Variants in POLE observed in about 807,000 individuals in gnomAD.
POLE encodes the protein DNA polymerase epsilon, catalytic subunit, also known as DNA polymerase epsilon catalytic subunit A.
Under a neutral mutation model 279.2 loss-of-function variants are expected in POLE, and 188 were observed. The observed-to-expected ratio is 0.67, with a 90% CI of 0.60 to 0.76. The LOEUF (loss-of-function observed/expected upper bound fraction) is 0.76. Ranked by LOEUF, POLE falls within the 30% of genes least tolerant of loss-of-function variation. The probability of loss-of-function intolerance (pLI) is 0.00; values close to 1 mark genes in which losing one functional copy is unlikely to be tolerated. For missense variants in POLE, 2,703 were observed against 3,016.7 expected (o/e 0.90, Z 2.44); for synonymous variants, 1,214 against 1,172.5 (o/e 1.04, Z -0.72).
intron 20 of POLE, among the ~76,000 whole-genome samples, chr12:132,666,545 G>C (rs2042801095): frequency 6.6e-6 from 1 of 152,254 alleles, no homozygotes; most frequent in Non-Finnish European, 1.5e-5. Flanking sequence ...TCACACCACT[G>C]TGCTCCAACC....
At chr12:132,628,622 G>A (rs889095894) in intron 45 of POLE, among the ~76,000 whole-genome samples, 30 of 150,418 alleles carry the variant, frequency 2.0e-4, no homozygotes, top group Admixed American at 1.3e-4. Context: ...CAGCCTGGGC[G>A]ACAGAGCAAG....
chr12:132,648,274 G>C (rs1004638078), intron 32 of POLE, among the ~76,000 whole-genome samples: 3 of 151,998 alleles, frequency 2.0e-5, no homozygotes, highest in African/African-American at 7.3e-5. Flanking sequence ...CTGAGGGCTG[G>C]GGGAGGATGG....
chr12:132,636,498 G>C (rs1180437476), intron 41 of POLE, among the ~76,000 whole-genome samples: 2 of 147,094 alleles, frequency 1.4e-5, no homozygotes, highest in Admixed American at 6.9e-5. Flanking sequence ...GCTCACGCCT[G>C]TAATCCTAGC....
At chr12:132,632,912 T>G in intron 43 of POLE, 117 bp from the exon 44 acceptor site, 1 of 1,160,146 alleles carries the variant, frequency 8.6e-7, no homozygotes, top group Non-Finnish European at 1.2e-6. Context: ...ATGTCATTGT[T>G]AATAATTTTA....
At chr12:132,670,643 A>G (rs949269198) in intron 16 of POLE, among the ~76,000 whole-genome samples, 18 of 151,202 alleles carry the variant, frequency 1.2e-4, no homozygotes, top group Admixed American at 1.2e-3. Context: ...GGTGCCCGCC[A>G]CCACGCCCGG....
chr12:132,647,181 T>A (rs2042304744), intron 32 of POLE, among the ~76,000 whole-genome samples: 1 of 152,122 alleles, frequency 6.6e-6, no homozygotes, highest in Non-Finnish European at 1.5e-5. Flanking sequence ...CTACGGTTGA[T>A]GTTAAAACAT....
intron 45 of POLE, among the ~76,000 whole-genome samples, chr12:132,628,061 T>C (rs2138439721): frequency 6.6e-6 from 1 of 152,354 alleles, no homozygotes; most frequent in South Asian, 2.1e-4. Context: ...AACTACTTTT[T>C]GGCCAGGTGC....
chr12:132,660,681 C>T (rs1257709652), intron 25 of POLE: 1 of 272,830 alleles, frequency 3.7e-6, no homozygotes, highest in Non-Finnish European at 6.9e-6. Flanking sequence ...CCTCTACTTC[C>T]TGGTCTCAAG....
chr12:132,673,420 C>T (rs897129360), intron 13 of POLE, 143 bp from the exon 14 acceptor site: 11 of 1,249,866 alleles, frequency 8.8e-6, no homozygotes, highest in Admixed American at 3.5e-5. Context: ...ACGTGTGTCC[C>T]GGAGACACAG....
At chr12:132,636,442 A>C (rs879402009) in intron 41 of POLE, among the ~76,000 whole-genome samples, 3 of 37,884 alleles carry the variant, frequency 7.9e-5, no homozygotes, top group East Asian at 3.3e-3. Flanking sequence ...CCATTTAAGG[A>C]AAAAAAAAAA....
rs185729899 is a variant in POLE at position 132,656,621 on chromosome 12, G to A, written c.3582+515C>T. 5.3e-5 allele frequency among the ~76,000 whole-genome samples: 8 copies of A among 152,306 alleles called. No individual in the cohort carries two copies. The East Asian group carries it at 1.4e-3, about 26-fold the overall frequency. The stretch of plus-strand genomic sequence containing the variant: ...GGTCTGCCCACCTAGGCCTCCCAAA[G>A]TGCTGGGATTACAGGTGTGAGCCAC... On this transcript the variant is annotated intron_variant, in intron 29 of 48. Transcript: ENST00000320574.
Position 132,643,475 on chromosome 12 carries a change from T to A in POLE, c.4376A>T (p.Glu1459Val), listed in dbSNP as rs1450806572. 6.2e-7 allele frequency: 1 copy of A among 1,614,004 alleles called. No homozygotes were observed. The highest frequency in any genetic ancestry group is 2.2e-5 in the East Asian group (1 of 44,880). ...GTGCTCAAGAGCAAAGGTCTCTGCT[T>A]CCCAGCCTGAAAGGTGCCTCACCAG... ...KQLVRHLSGW[E>V]AETFALEHLE... The change falls in exon 34 of 49, where the codon GAA becomes GTA. Residue 1459 changes from glutamate (E) to valine (V), a missense_variant. By Grantham distance (121) the Glu-to-Val change is moderately radical. Transcript: ENST00000320574.
At chr12:132,677,261 C>T in intron 8 of POLE, 102 bp downstream of exon 8, 1 of 841,474 alleles carries the variant, frequency 1.2e-6, no homozygotes, top group Non-Finnish European at 2.1e-6. Context: ...GGGGGAAAAG[C>T]AGCAAACATA....
At position 132,673,217 on chromosome 12, in the gene POLE, C is replaced by T. The variant is rs980578884; in HGVS notation, c.1420G>A (p.Val474Ile). Residue 474 changes from valine to isoleucine, a missense_variant, in exon 14 of 49, where the codon GTC becomes ATC. Val to Ile is a conservative substitution (Grantham distance 29). Coordinates refer to ENST00000320574, the MANE Select transcript of POLE (RefSeq NM_006231.4). The stretch of plus-strand genomic sequence containing the variant: ...CACAGAGCAAAGATGAATGGGTGGA[C>T]GTACTTCATGTACAGGTAGTAAGTG... ...VATYYLYMKY[V>I]HPFIFALCTI... 3.7e-6 allele frequency: 6 copies of T among 1,613,722 alleles called. No individual in the cohort carries two copies. Among genetic ancestry groups the T allele is most frequent in the Admixed American group, 1.7e-5 (1 of 60,002 alleles).
rs748049159 is a variant in POLE, at chr12:132,657,919, A to G, written c.3327T>C (p.Phe1109=). ...FQAEPTVRKH[F]LRKWLKSSSL... ...AAGAGCTCTTGAGCCATTTCCGGAG[A>G]AAGTGCTTCCTCACCGTGGGCTCTG... Residue 1109 remains phenylalanine, a synonymous_variant, in exon 27 of 49, where the codon TTT becomes TTC. Transcript: ENST00000320574. 8.1e-6 allele frequency: 13 copies of G among 1,614,066 alleles called. No homozygotes were observed. Among genetic ancestry groups the G allele is most frequent in the Non-Finnish European group, 1.1e-5 (13 of 1,180,000 alleles).
In POLE at chr12:132,643,543, C is replaced by G. The variant is rs367898059; in HGVS notation, c.4308G>C (p.Arg1436=). The G allele has an allele frequency of 8.7e-6, 14 of 1,614,026 alleles. No individual in the cohort carries two copies. Among genetic ancestry groups the G allele is most frequent in the Non-Finnish European group, 1.2e-5 (14 of 1,180,048 alleles). The part of the protein sequence containing the change: ...VYETQVPLLF[R]ALVHLGCVCV... Reference sequence around the variant, plus strand: ...ACACACAGCCCAGGTGCACCAGGGCCCGGAACAGTAACGGAACCTGGAAGA... The same window carrying G: ...ACACACAGCCCAGGTGCACCAGGGCGCGGAACAGTAACGGAACCTGGAAGA... Residue 1436 remains arginine, a synonymous_variant, in exon 34 of 49, where the codon CGG becomes CGC. Coordinates refer to ENST00000320574, the MANE Select transcript of POLE (RefSeq NM_006231.4).
intron 33 of POLE, 79 bp downstream of exon 33, chr12:132,643,758 C>A (rs2138556611): frequency 6.5e-7 from 1 of 1,530,636 alleles, no homozygotes; most frequent in Non-Finnish European, 8.9e-7. Flanking sequence ...CCCCAGCCCA[C>A]ACCCTGGGCG....
intron 45 of POLE, among the ~76,000 whole-genome samples, chr12:132,629,170 C>T (rs867793063): frequency 3.3e-5 from 5 of 152,250 alleles, no homozygotes; most frequent in African/African-American, 7.2e-5. Context: ...TCCATCAGAG[C>T]TCTTGGGTGA....
rs1593099072 is a variant in POLE at position 132,687,285 on chromosome 12, C to G, written c.31G>C (p.Ala11Pro). Residue 11 changes from alanine (A) to proline (P), a missense_variant, in exon 1 of 49, where the codon GCG (alanine) becomes CCG (proline). Around this residue, in one of 5 missense-constraint regions of POLE, gnomAD observed 1,011 missense variants for 1,111.7 expected, o/e 0.91. Coordinates refer to ENST00000320574, the MANE Select transcript of POLE (RefSeq NM_006231.4). MSLRSGGRRR[A>P]DPGADGEASR... ...GCCTCGCCATCCGCGCCTGGGTCCGCGCGCCGCCGCCCGCCGCTCCTCAGA... is the reference window on the plus strand; with the variant it reads ...GCCTCGCCATCCGCGCCTGGGTCCGGGCGCCGCCGCCCGCCGCTCCTCAGA... 1 of 1,502,882 alleles carries G rather than the reference C, an allele frequency of 6.7e-7. No individual in the cohort carries two copies. 93.1% of individuals were successfully genotyped at this position (1,502,882 alleles called of 1,614,324 possible).
Sources: allele counts gnomAD v4.1 joint callset (sites outside exome capture counted in the v4.1 genomes callset), GRCh38; gene constraint gnomAD v4.1.1; regional missense constraint gnomAD v4.1.1; transcripts MANE v1.5; gene names NCBI Gene and HGNC (gene_info 2026-07-23, HGNC 2026-07-21).